TRHDE: variants seen among roughly 807,000 people sequenced by gnomAD.
TRHDE encodes thyrotropin releasing hormone degrading enzyme.
TRHDE carries 72 observed loss-of-function variants against 125.7 expected under a neutral mutation model. That is an observed-to-expected ratio of 0.57 (90% CI 0.47 to 0.70). The LOEUF is 0.70. TRHDE is among the 30% of genes least tolerant of loss of function. The pLI, the probability that TRHDE is intolerant of heterozygous loss-of-function variation, is 0.00. For missense variants in TRHDE, 1,110 were observed against 1,327.1 expected (o/e 0.84, Z 2.54); for synonymous variants, 509 against 509.1 (o/e 1.00, Z 0.00).
intron 2 of TRHDE, among the ~76,000 whole-genome samples, chr12:72,164,198 T>C (rs1277988671): frequency 6.6e-6 from 1 of 152,196 alleles, no homozygotes; most frequent in Non-Finnish European, 1.5e-5. Context: ...CATGGCTGTT[T>C]TCTATAGGCT....
chr12:72,670,736 T>C lies in TRHDE; in HGVS notation c.*7541T>C, dbSNP rs1875226960. Reference sequence around the variant, plus strand: ...GTTCTCCTTTCTAATTATATGCCTTTAGAATAAATGAAATGATCTGCACTT... The same window carrying C: ...GTTCTCCTTTCTAATTATATGCCTTCAGAATAAATGAAATGATCTGCACTT... On this transcript the variant is annotated 3_prime_UTR_variant, in exon 19 of 19. Coordinates refer to ENST00000261180, the MANE Select transcript of TRHDE (RefSeq NM_013381.3). 6.6e-6 allele frequency: 1 copy of C among 151,780 alleles called. No individual in the cohort carries two copies. The highest frequency in any genetic ancestry group is 1.5e-5 in the Non-Finnish European group (1 of 67,836). The allele number at this position is 151,780 out of a possible 1,614,324, so 9.4% of individuals were successfully genotyped here.
chr12:72,433,746 C>CTTTTTTTTTTTT (rs35623228), intron 3 of TRHDE, among the ~76,000 whole-genome samples: 1 of 146,024 alleles, frequency 6.8e-6, no homozygotes. Context: ...GACAAATAAA[C>CTTTTTTTTTTTT]TTTTTTTTTT....
At chr12:72,108,302 A>G (rs1041594578) in intron 2 of TRHDE, among the ~76,000 whole-genome samples, 2 of 152,144 alleles carry the variant, frequency 1.3e-5, no homozygotes, top group African/African-American at 4.8e-5. Context: ...TGTGGTGAAT[A>G]CTGAAACTAT....
chr12:72,101,630 G>A (rs150980148), intron 1 of TRHDE, among the ~76,000 whole-genome samples: 294 of 152,294 alleles, frequency 1.9e-3, no homozygotes, highest in Non-Finnish European at 3.6e-3. Context: ...CATTGCATTC[G>A]ATTTGGCAGA....
chr12:72,095,881 A>G (rs11179078), intron 1 of TRHDE, among the ~76,000 whole-genome samples: 11,494 of 152,124 alleles, frequency 0.076, 677 homozygotes, highest in East Asian at 0.27. Context: ...AAATCAGTGG[A>G]ATTTGAGTAA....
At chr12:72,320,625 A>C (rs1478067586) in intron 2 of TRHDE, among the ~76,000 whole-genome samples, 2 of 151,602 alleles carry the variant, frequency 1.3e-5, no homozygotes, top group Admixed American at 1.3e-4. Context: ...GTGAAATATA[A>C]AAATAAAAGC....
chr12:72,635,885 A>G (rs1041004724), intron 15 of TRHDE, among the ~76,000 whole-genome samples: 3 of 152,158 alleles, frequency 2.0e-5, no homozygotes, highest in East Asian at 1.9e-4. Context: ...TACCAGTACC[A>G]TGCTCTTTTG....
chr12:72,436,327 C>T (rs147707865), intron 3 of TRHDE, among the ~76,000 whole-genome samples: 21 of 151,960 alleles, frequency 1.4e-4, no homozygotes, highest in African/African-American at 4.6e-4. Flanking sequence ...TATGACCAGA[C>T]TTATTTCTAA....
At chr12:72,425,207 T>G (rs1196858135) in intron 3 of TRHDE, among the ~76,000 whole-genome samples, 1 of 152,130 alleles carries the variant, frequency 6.6e-6, no homozygotes, top group Non-Finnish European at 1.5e-5. Context: ...GGCATGCCAT[T>G]GGCCAGCAAA....
At chr12:72,538,446 C>T (rs1201730574) in intron 6 of TRHDE, among the ~76,000 whole-genome samples, 1 of 151,986 alleles carries the variant, frequency 6.6e-6, no homozygotes, top group Non-Finnish European at 1.5e-5. Context: ...CTGTTACAAG[C>T]ACTGAAGTGC....
intron 2 of TRHDE, among the ~76,000 whole-genome samples, chr12:72,127,719 T>C (rs1464387833): frequency 6.6e-6 from 1 of 152,190 alleles, no homozygotes; most frequent in Non-Finnish European, 1.5e-5. Flanking sequence ...CATTAGGTAC[T>C]ATGCTCACTA....
chr12:72,388,509 T>A (rs1041095392), intron 3 of TRHDE, among the ~76,000 whole-genome samples: 4 of 152,164 alleles, frequency 2.6e-5, no homozygotes, highest in Admixed American at 6.5e-5. Context: ...GTTAAATGAA[T>A]AATACCTAAC....
intron 1 of TRHDE, among the ~76,000 whole-genome samples, chr12:72,090,240 A>G (rs563807146): frequency 1.3e-5 from 2 of 152,324 alleles, no homozygotes; most frequent in South Asian, 4.1e-4. Context: ...TACTACTAAC[A>G]AAGATGAGTC....
intron 2 of TRHDE, among the ~76,000 whole-genome samples, chr12:72,224,162 GTATGTATCTATC>G (rs1309241819): frequency 1.1e-4 from 3 of 27,046 alleles, no homozygotes; most frequent in African/African-American, 2.3e-4. Context: ...ATGTATGTAT[GTATGTATCTATC>G]TATCTATCTA....
At chr12:72,647,079 A>C (rs550051531) in intron 15 of TRHDE, among the ~76,000 whole-genome samples, 75 of 152,172 alleles carry the variant, frequency 4.9e-4, no homozygotes, top group African/African-American at 1.7e-3. Context: ...AGGTCATAAA[A>C]CAAGTCTTAA....
At chr12:72,511,793 T>C (rs1565771736) in intron 6 of TRHDE, among the ~76,000 whole-genome samples, 1 of 152,182 alleles carries the variant, frequency 6.6e-6, no homozygotes, top group Non-Finnish European at 1.5e-5. Context: ...GTTTTCATAC[T>C]AGAAACTTGC....
At chr12:72,392,190 C>T (rs1872635296) in intron 3 of TRHDE, among the ~76,000 whole-genome samples, 1 of 152,104 alleles carries the variant, frequency 6.6e-6, no homozygotes, top group Non-Finnish European at 1.5e-5. Flanking sequence ...CTGTTTAAGC[C>T]ACCAGGTCTA....
intron 3 of TRHDE, among the ~76,000 whole-genome samples, chr12:72,379,514 C>A (rs1000160698): frequency 1.3e-5 from 2 of 152,204 alleles, no homozygotes; most frequent in Non-Finnish European, 2.9e-5. Context: ...CCAGGTATAA[C>A]TGGCTGGGAA....
chr12:72,651,082 A>G (rs1874486924), intron 15 of TRHDE, among the ~76,000 whole-genome samples: 1 of 152,194 alleles, frequency 6.6e-6, no homozygotes, highest in Non-Finnish European at 1.5e-5. Flanking sequence ...GTTTCATTAA[A>G]AACAAATCAA....
Sources: allele counts gnomAD v4.1 joint callset (sites outside exome capture counted in the v4.1 genomes callset), GRCh38; gene constraint gnomAD v4.1.1; transcripts MANE v1.5; gene names NCBI Gene and HGNC (gene_info 2026-07-23, HGNC 2026-07-21).